The following ZNF280D variants were observed in gnomAD, a reference collection of about 807,000 sequenced individuals.
ZNF280D encodes suppressor of hairy wing homolog 4.
ZNF280D carries 39 observed loss-of-function variants against 94.7 expected under a neutral mutation model. The ratio of observed to expected loss-of-function variants is 0.41; its 90% CI spans 0.32 to 0.54. ZNF280D has a LOEUF of 0.54. Ranked by LOEUF, ZNF280D falls within the 20% of genes least tolerant of loss-of-function variation. The pLI is 0.22. For synonymous variants in ZNF280D, 398 were observed against 377.6 expected (o/e 1.05, Z -0.63); for missense variants, 1,090 against 1,149.3 (o/e 0.95, Z 0.75).
At chr15:56,708,922 C>T (rs1240457085) in intron 1 of ZNF280D, among the ~76,000 whole-genome samples, 2 of 152,148 alleles carry the variant, frequency 1.3e-5, no homozygotes, top group Admixed American at 1.3e-4. Flanking sequence ...AAAACCTAGG[C>T]AATACCATTC....
chr15:56,709,696 C>T (rs539048405), intron 1 of ZNF280D, among the ~76,000 whole-genome samples: 2 of 152,284 alleles, frequency 1.3e-5, no homozygotes, highest in African/African-American at 4.8e-5. Context: ...AGGATGAGTT[C>T]ATGTCTTTGT....
At chr15:56,709,358 A>G (rs1435755313) in intron 1 of ZNF280D, among the ~76,000 whole-genome samples, 2 of 149,524 alleles carry the variant, frequency 1.3e-5, no homozygotes, top group African/African-American at 2.4e-5. Flanking sequence ...GTCAGGAAAC[A>G]ACAGATGCTA....
chr15:56,700,569 T>A, intron 6 of ZNF280D: 1 of 1,106,910 alleles, frequency 9.0e-7, no homozygotes, highest in Non-Finnish European at 1.1e-6. Flanking sequence ...TAAAAAGCTA[T>A]GATGGTCACT....
chr15:56,685,073 C>T (rs1488848453), intron 9 of ZNF280D, among the ~76,000 whole-genome samples: 3 of 152,064 alleles, frequency 2.0e-5, no homozygotes, highest in East Asian at 1.9e-4. Flanking sequence ...TACTAGAAAA[C>T]GGGAGCTATA....
rs1195463955 is a variant in ZNF280D at position 56,636,967 on chromosome 15, AG to A, written c.2260-1718del. On this transcript the variant is annotated intron_variant, in intron 20 of 21. Coordinates refer to ENST00000267807, the MANE Select transcript of ZNF280D (RefSeq NM_017661.4). ...GAGATAGTCTAGACTTATGAACACC[AG>A]GAAAAGTAAAAGGCAGGCATGAGAT... 7.2e-5 allele frequency among the ~76,000 whole-genome samples: 11 copies of A among 152,212 alleles called. No homozygotes were observed. In the East Asian group the frequency reaches 2.1e-3, roughly 29 times the overall value.
chr15:56,671,702 T>C (rs569753457), intron 13 of ZNF280D, among the ~76,000 whole-genome samples: 63 of 152,240 alleles, frequency 4.1e-4, no homozygotes, highest in African/African-American at 1.4e-3. Flanking sequence ...CTTTTCCTAG[T>C]TTTGTGAAGA....
intron 1 of ZNF280D, among the ~76,000 whole-genome samples, chr15:56,725,623 C>A (rs1159034085): frequency 6.6e-6 from 1 of 151,890 alleles, no homozygotes; most frequent in African/African-American, 2.4e-5. Flanking sequence ...AAGGGAGGAC[C>A]TAGTAGAATC....
chr15:56,649,963 G>C (rs1248368465), intron 19 of ZNF280D, among the ~76,000 whole-genome samples: 2 of 151,956 alleles, frequency 1.3e-5, no homozygotes, highest in African/African-American at 4.8e-5. Context: ...CTTGAGAATA[G>C]GTCCAGATTC....
intron 7 of ZNF280D, among the ~76,000 whole-genome samples, chr15:56,691,349 A>T (rs1339874093): frequency 6.6e-6 from 1 of 152,166 alleles, no homozygotes; most frequent in Admixed American, 6.5e-5. Flanking sequence ...CATTGGAAAA[A>T]TTCTGTATAA....
chr15:56,692,549 T>C (rs1216331775), intron 7 of ZNF280D, among the ~76,000 whole-genome samples: 1 of 152,240 alleles, frequency 6.6e-6, no homozygotes, highest in Non-Finnish European at 1.5e-5. Flanking sequence ...ACTTTAAATG[T>C]TCCTCAACAG....
chr15:56,682,289 G>A lies in ZNF280D; in HGVS notation c.969C>T (p.Cys323=). ...EEQKTHTTFK[C]FSCLKILKNN... The stretch of plus-strand genomic sequence containing the variant: ...TTTTTAGAATTTTCAAGCAACTGAA[G>A]CATTTAAAGGTTGTGTGAGTCTTCT... The change falls in exon 10 of 22, where the codon TGC becomes TGT. Residue 323 remains cysteine, a synonymous_variant. Transcript: ENST00000267807. The A allele has an allele frequency of 6.4e-7, 1 of 1,572,712 alleles. No homozygotes were observed. The highest frequency in any genetic ancestry group is 8.6e-7 in the Non-Finnish European group (1 of 1,167,690).
intron 11 of ZNF280D, among the ~76,000 whole-genome samples, chr15:56,678,427 T>C (rs1470173741): frequency 1.3e-5 from 2 of 152,184 alleles, no homozygotes; most frequent in African/African-American, 4.8e-5. Context: ...CAACATATAA[T>C]GCATAGTTTA....
intron 21 of ZNF280D, 114 bp downstream of exon 21, chr15:56,635,081 G>T: frequency 2.0e-6 from 1 of 496,090 alleles, no homozygotes; most frequent in Non-Finnish European, 3.4e-6. Flanking sequence ...ACAGAAAATA[G>T]CACTATATAC....
chr15:56,696,347 G>A (rs557116021), intron 6 of ZNF280D, among the ~76,000 whole-genome samples: 1 of 152,242 alleles, frequency 6.6e-6, no homozygotes, highest in South Asian at 2.1e-4. Flanking sequence ...CATGGTACAC[G>A]TATCATATCA....
chr15:56,654,810 G>C (rs2053435521), intron 17 of ZNF280D: 2 of 480,578 alleles, frequency 4.2e-6, no homozygotes, highest in Non-Finnish European at 8.2e-6. Flanking sequence ...GTGTAACTTA[G>C]GCAAGTCACA....
chr15:56,700,999 T>G lies in ZNF280D; in HGVS notation c.315A>C (p.Pro105=). Residue 105 remains proline, a synonymous_variant, in exon 6 of 22, where the codon CCA becomes CCC. Transcript: ENST00000267807. ...ATCTAGACTCAGGATGAAAATTTAT[T>G]GGTGAGGCAGGCACTGGATTTGATG... The part of the protein sequence containing the change: ...NPTSNPVPAS[P]INFHPESRSS... The G allele has an allele frequency of 1.2e-6, 2 of 1,613,966 alleles. No individual in the cohort carries two copies. The highest frequency in any genetic ancestry group is 2.7e-5 in the African/African-American group (2 of 75,062).
intron 21 of ZNF280D, among the ~76,000 whole-genome samples, chr15:56,634,488 A>G (rs1381431221): frequency 6.6e-6 from 1 of 152,166 alleles, no homozygotes; most frequent in African/African-American, 2.4e-5. Context: ...TAACTTTACT[A>G]TTGAAGTATA....
At chr15:56,726,360 T>C (rs2058631463) in intron 1 of ZNF280D, among the ~76,000 whole-genome samples, 1 of 152,192 alleles carries the variant, frequency 6.6e-6, no homozygotes, top group South Asian at 2.1e-4. Flanking sequence ...ACTTTCTTTC[T>C]TGAGCAGTTC....
At chr15:56,724,961 T>A in intron 1 of ZNF280D, 1 of 424,176 alleles carries the variant, frequency 2.4e-6, no homozygotes, top group Non-Finnish European at 4.7e-6. Flanking sequence ...TCAGCAATCC[T>A]GTATAGCTGA....
Sources: gnomAD v4.1 joint callset for allele counts (sites outside exome capture counted in the v4.1 genomes callset) on GRCh38, gnomAD v4.1.1 for gene constraint, MANE v1.5 for transcripts, NCBI Gene and HGNC (gene_info 2026-07-23, HGNC 2026-07-21) for gene names.